Variants in MED12L observed in about 807,000 individuals in gnomAD.
MED12L encodes the protein mediator complex subunit 12L.
A neutral mutation model predicts 281.3 loss-of-function variants in MED12L; 60 were observed. That is an observed-to-expected ratio of 0.21 (90% CI 0.17 to 0.26). The LOEUF (loss-of-function observed/expected upper bound fraction) is 0.26. Ranked by LOEUF, MED12L falls within the 10% of genes least tolerant of loss-of-function variation. MED12L has a pLI of 1.00. For missense variants in MED12L, 2,146 were observed against 2,680.9 expected, an observed-to-expected ratio of 0.80 and a Z score of 4.41; for synonymous variants, 974 against 987.2, an observed-to-expected ratio of 0.99 and a Z score of 0.25.
At chr3:151,228,227 A>G (rs1003814066) in intron 16 of MED12L, among the ~76,000 whole-genome samples, 2 of 152,190 alleles carry the variant, frequency 1.3e-5, no homozygotes, top group African/African-American at 4.8e-5. Flanking sequence ...GGCCTTGGCT[A>G]CATGTATGGC....
rs375304026 is a variant in MED12L at position 151,247,196 on chromosome 3, T to A, written c.2250+53530T>A. Among the ~76,000 whole-genome samples, 21 of 152,150 alleles carry A rather than the reference T, an allele frequency of 1.4e-4. No homozygotes were observed. The South Asian group carries it at 3.9e-3, about 29-fold the overall frequency. ...TAAACTAGTTCAACCATTGTGGAAG[T>A]CAGTGTGGCGATTCCTCAGGGATCT... is the stretch of plus-strand genomic sequence containing the variant. On this transcript the variant is annotated intron_variant, in intron 16 of 44. Coordinates refer to ENST00000687756, the MANE Select transcript of MED12L (RefSeq NM_001393769.1).
At chr3:151,193,919 C>T (rs1724295283) in intron 16 of MED12L, among the ~76,000 whole-genome samples, 1 of 150,482 alleles carries the variant, frequency 6.6e-6, no homozygotes, top group African/African-American at 2.4e-5. Context: ...TATTAAAGAG[C>T]ATTTGAGTCA....
intron 42 of MED12L, among the ~76,000 whole-genome samples, chr3:151,414,425 G>A (rs1717320965): frequency 6.6e-6 from 1 of 152,230 alleles, no homozygotes; most frequent in African/African-American, 2.4e-5. Flanking sequence ...TATGAGGTCA[G>A]TGAGAAGTAA....
Position 151,433,349 on chromosome 3 carries a change from A to G in MED12L, c.*545A>G, listed in dbSNP as rs1338965584. On this transcript the variant is annotated 3_prime_UTR_variant, in exon 45 of 45. Transcript: ENST00000687756. ...TTGAAATGTTTGTAATCTCATAAGC[A>G]CTTTATAAACTTTGTTCTTATTTAT... The G allele has an allele frequency of 2.0e-5, 3 of 152,662 alleles. No individual in the cohort carries two copies. The highest frequency in any genetic ancestry group is 7.2e-5 in the African/African-American group (3 of 41,438). The allele number at this position is 152,662 out of a possible 1,614,324, so 9.5% of individuals were successfully genotyped here. A position where few individuals can be genotyped will look rare whatever the true frequency, so the allele number is the denominator to read the frequency against.
At chr3:151,286,134 C>G (rs1320613813) in intron 16 of MED12L, among the ~76,000 whole-genome samples, 1 of 152,106 alleles carries the variant, frequency 6.6e-6, no homozygotes, top group South Asian at 2.1e-4. Context: ...CCTGTGACCC[C>G]GCTGTTGTAG....
intron 11 of MED12L, among the ~76,000 whole-genome samples, chr3:151,177,392 C>T (rs1248324369): frequency 6.6e-6 from 1 of 152,192 alleles, no homozygotes; most frequent in Non-Finnish European, 1.5e-5. Context: ...GTTCTGTGCC[C>T]ATGACCATCT....
intron 16 of MED12L, among the ~76,000 whole-genome samples, chr3:151,215,512 A>G (rs989175248): frequency 6.6e-5 from 10 of 152,202 alleles, no homozygotes; most frequent in Admixed American, 2.6e-4. Flanking sequence ...TTTAAATTAC[A>G]TATGTGTTTC....
intron 16 of MED12L, among the ~76,000 whole-genome samples, chr3:151,330,833 A>C (rs1441943898): frequency 6.6e-6 from 1 of 152,222 alleles, no homozygotes; most frequent in East Asian, 1.9e-4. Context: ...TCATTAATAG[A>C]ACATACATGT....
intron 16 of MED12L, among the ~76,000 whole-genome samples, chr3:151,349,042 G>A (rs563346716): frequency 3.0e-4 from 45 of 152,328 alleles, no homozygotes; most frequent in African/African-American, 1.0e-3. Flanking sequence ...TATACATAGA[G>A]TAAGAAAAGG....
At chr3:151,307,148 A>G (rs1027190989) in intron 16 of MED12L, among the ~76,000 whole-genome samples, 7 of 152,226 alleles carry the variant, frequency 4.6e-5, no homozygotes, top group Admixed American at 2.6e-4. Flanking sequence ...GGAATCACCT[A>G]TAATCTAAGA....
intron 26 of MED12L, among the ~76,000 whole-genome samples, chr3:151,370,586 T>C (rs779569645): frequency 4.6e-5 from 7 of 152,178 alleles, no homozygotes; most frequent in Non-Finnish European, 1.0e-4. Context: ...TAGGCGCTTA[T>C]AGATTTATAC....
chr3:151,350,085 C>G lies in MED12L; in HGVS notation c.2277C>G (p.Asn759Lys), dbSNP rs752489827. 6.2e-7 allele frequency: 1 copy of G among 1,611,776 alleles called. No individual in the cohort carries two copies. The highest frequency in any genetic ancestry group is 8.5e-7 in the Non-Finnish European group (1 of 1,178,672). The change falls in exon 17 of 45, where the codon AAC becomes AAG. Residue 759 changes from asparagine (N) to lysine (K), a missense_variant. By Grantham distance (94) the Asn-to-Lys change is moderately conservative. Around this residue, in one of 9 missense-constraint regions of MED12L, gnomAD observed 404 missense variants for 603.5 expected, o/e 0.67. Transcript: ENST00000687756. The stretch of plus-strand genomic sequence containing the variant: ...ATGAATCTTCAAGTCATGAATGTAA[C>G]CAGCGCACAATCCTTCTCTATGGAG... ...PLDESSSHECNQRTILLYGVG... is the reference protein window; with the variant it reads ...PLDESSSHECKQRTILLYGVG...
intron 34 of MED12L, 30 bp from the exon 35 acceptor site, chr3:151,384,053 T>C: frequency 6.3e-7 from 1 of 1,597,892 alleles, no homozygotes; most frequent in South Asian, 1.1e-5. Context: ...AGTTTCACTT[T>C]AAGATGAAAA....
At chr3:151,315,850 A>G (rs184049093) in intron 16 of MED12L, among the ~76,000 whole-genome samples, 20 of 152,330 alleles carry the variant, frequency 1.3e-4, no homozygotes, top group Admixed American at 1.2e-3. Context: ...GTAAAATTCC[A>G]TAGCAGATAA....
At chr3:151,197,350 G>A (rs1031527966) in intron 16 of MED12L, among the ~76,000 whole-genome samples, 4 of 152,122 alleles carry the variant, frequency 2.6e-5, no homozygotes, top group Non-Finnish European at 4.4e-5. Flanking sequence ...TTTTAGTACA[G>A]AGGGGGTTTC....
intron 31 of MED12L, 31 bp from the exon 32 acceptor site, chr3:151,380,082 A>T: frequency 7.5e-7 from 1 of 1,326,190 alleles, no homozygotes; most frequent in Non-Finnish European, 1.1e-6. Context: ...ATTTCTAACT[A>T]GATCTGTTGT....
intron 43 of MED12L, among the ~76,000 whole-genome samples, chr3:151,420,979 G>C (rs776803170): frequency 5.3e-5 from 8 of 152,220 alleles, no homozygotes; most frequent in Non-Finnish European, 1.2e-4. Flanking sequence ...CCACCATGTA[G>C]CTGGCTGATC....
chr3:151,120,713 G>A (rs1356729228), intron 3 of MED12L, among the ~76,000 whole-genome samples: 1 of 152,202 alleles, frequency 6.6e-6, no homozygotes, highest in Non-Finnish European at 1.5e-5. Flanking sequence ...TTGTTTACTT[G>A]GAGGTAGACA....
At chr3:151,281,406 T>C (rs1337248339) in intron 16 of MED12L, among the ~76,000 whole-genome samples, 1 of 151,902 alleles carries the variant, frequency 6.6e-6, no homozygotes, top group Non-Finnish European at 1.5e-5. Context: ...TGAGACTCTG[T>C]CTCAAAATAA....
Sources: gnomAD v4.1 joint callset for allele counts (sites outside exome capture counted in the v4.1 genomes callset) on GRCh38, gnomAD v4.1.1 for gene constraint, gnomAD v4.1.1 regional missense constraint, MANE v1.5 for transcripts, NCBI Gene and HGNC (gene_info 2026-07-23, HGNC 2026-07-21) for gene names.